Variants in CNTN4 observed in about 807,000 individuals in gnomAD.
The protein encoded by CNTN4 is contactin 4, also known as contactin-4.
In CNTN4, 77 loss-of-function variants were observed where a neutral mutation model predicts 122.5. That is an observed-to-expected ratio of 0.63 (90% confidence interval 0.52 to 0.76). The LOEUF (loss-of-function observed/expected upper bound fraction) is 0.76. CNTN4 is among the 30% of genes least tolerant of loss of function. The probability of loss-of-function intolerance (pLI) is 0.00; values close to 1 mark genes in which losing one functional copy is unlikely to be tolerated. For synonymous variants in CNTN4, 512 were observed against 447.0 expected (o/e 1.15, Z -1.83); for missense variants, 1,256 against 1,259.1 (o/e 1.00, Z 0.04).
intron 2 of CNTN4, among the ~76,000 whole-genome samples, chr3:2,253,886 ATTTG>A (rs2040471804): frequency 6.7e-6 from 1 of 149,936 alleles, no homozygotes. Flanking sequence ...TTTTTTTTTA[ATTTG>A]TTCTTTTTGG....
chr3:2,170,244 C>T (rs1321291125), intron 2 of CNTN4, among the ~76,000 whole-genome samples: 18 of 151,670 alleles, frequency 1.2e-4, no homozygotes, highest in Admixed American at 9.9e-4. Context: ...GGCGGGAACC[C>T]GGGAGGCGGA....
At chr3:2,111,371 G>C (rs2032943365) in intron 2 of CNTN4, among the ~76,000 whole-genome samples, 1 of 152,056 alleles carries the variant, frequency 6.6e-6, no homozygotes, top group African/African-American at 2.4e-5. Flanking sequence ...ACCTTTTCCT[G>C]TTCTTCTGAA....
chr3:2,334,458 C>T (rs1559462747), intron 2 of CNTN4, among the ~76,000 whole-genome samples: 1 of 152,088 alleles, frequency 6.6e-6, no homozygotes, highest in Non-Finnish European at 1.5e-5. Context: ...GGCACCTGGC[C>T]CATTTTATCT....
chr3:2,260,155 A>G (rs533329532), intron 2 of CNTN4, among the ~76,000 whole-genome samples: 37 of 152,248 alleles, frequency 2.4e-4, no homozygotes, highest in Non-Finnish European at 5.0e-4. Flanking sequence ...TTTCTACCAC[A>G]TAATGTAGCT....
rs570008351 is a variant in CNTN4 at position 2,165,575 on chromosome 3, T to C, written c.-145+64936T>C. ...CTCTTTGTAAATTTCAAGTATACAATACATTATTACTAACTATATTCACCA... is the reference window on the plus strand; with the variant it reads ...CTCTTTGTAAATTTCAAGTATACAACACATTATTACTAACTATATTCACCA... On this transcript the variant is annotated intron_variant, in intron 2 of 24. Transcript: ENST00000418658. Among the ~76,000 whole-genome samples the C allele has an allele frequency of 2.6e-5, 4 of 152,296 alleles. No individual in the cohort carries two copies. In the South Asian group the frequency reaches 8.3e-4, roughly 32 times the overall value.
chr3:2,389,969 G>A (rs2046385057), intron 3 of CNTN4, among the ~76,000 whole-genome samples: 1 of 152,080 alleles, frequency 6.6e-6, no homozygotes, highest in South Asian at 2.1e-4. Flanking sequence ...GAGATTAAAG[G>A]GACATGTCAA....
At chr3:3,025,549 C>T (rs1450281094) in intron 14 of CNTN4, among the ~76,000 whole-genome samples, 3 of 152,064 alleles carry the variant, frequency 2.0e-5, no homozygotes, top group Non-Finnish European at 4.4e-5. Flanking sequence ...ACCAAAAAGA[C>T]TGGGGGAAAT....
chr3:2,548,356 G>T (rs942622722), intron 3 of CNTN4, among the ~76,000 whole-genome samples: 23 of 152,060 alleles, frequency 1.5e-4, no homozygotes, highest in Admixed American at 6.6e-5. Flanking sequence ...TTTGTATAAG[G>T]TATAAGGAAA....
intron 4 of CNTN4, among the ~76,000 whole-genome samples, chr3:2,696,361 T>C (rs1034144025): frequency 1.3e-5 from 2 of 152,198 alleles, no homozygotes; most frequent in Non-Finnish European, 2.9e-5. Context: ...ATGAAGTCTT[T>C]TGGGAAGTGT....
intron 13 of CNTN4, among the ~76,000 whole-genome samples, chr3:2,930,566 GT>G (rs1167038109): frequency 6.6e-6 from 1 of 152,130 alleles, no homozygotes; most frequent in South Asian, 2.1e-4. Context: ...ATGCTTAAGG[GT>G]TTCCCCCCAC....
At chr3:2,589,442 C>A (rs763307537) in intron 4 of CNTN4, among the ~76,000 whole-genome samples, 5 of 152,188 alleles carry the variant, frequency 3.3e-5, no homozygotes, top group Non-Finnish European at 7.3e-5. Context: ...CCCAGTGTTT[C>A]AAACATGTGT....
At chr3:2,674,792 A>C (rs2150411126) in intron 4 of CNTN4, among the ~76,000 whole-genome samples, 1 of 152,154 alleles carries the variant, frequency 6.6e-6, no homozygotes, top group East Asian at 1.9e-4. Flanking sequence ...AAAAAAAAAA[A>C]AACCATTAAC....
intron 4 of CNTN4, among the ~76,000 whole-genome samples, chr3:2,726,726 A>G (rs935012281): frequency 1.3e-5 from 2 of 152,236 alleles, no homozygotes; most frequent in Non-Finnish European, 2.9e-5. Context: ...AGGGTAGTAC[A>G]CTACTCTGTG....
chr3:2,155,185 C>A (rs939976780), intron 2 of CNTN4, among the ~76,000 whole-genome samples: 1 of 152,196 alleles, frequency 6.6e-6, no homozygotes, highest in African/African-American at 2.4e-5. Flanking sequence ...TAATTTTAAA[C>A]CTAATTTTCC....
chr3:2,817,752 G>A (rs950132918), intron 6 of CNTN4, among the ~76,000 whole-genome samples: 7 of 152,156 alleles, frequency 4.6e-5, no homozygotes, highest in Non-Finnish European at 1.0e-4. Context: ...GTGCACAAAT[G>A]TAGATGACTT....
chr3:2,547,730 G>A (rs778099718), intron 3 of CNTN4, among the ~76,000 whole-genome samples: 1 of 152,064 alleles, frequency 6.6e-6, no homozygotes, highest in Non-Finnish European at 1.5e-5. Context: ...ACCAAAAATT[G>A]TGAACCTCCT....
chr3:3,028,255 G>A (rs1698893858), intron 15 of CNTN4, among the ~76,000 whole-genome samples: 3 of 152,170 alleles, frequency 2.0e-5, no homozygotes, highest in Admixed American at 2.0e-4. Flanking sequence ...ACAACAGACT[G>A]CGGTGGTGGA....
intron 13 of CNTN4, among the ~76,000 whole-genome samples, chr3:2,959,798 G>C (rs999386987): frequency 1.5e-4 from 23 of 152,134 alleles, no homozygotes; most frequent in Non-Finnish European, 2.9e-4. Flanking sequence ...TGTCTCCCTA[G>C]GTATGAGAGT....
rs10664705 is a variant in CNTN4 at position 2,347,410 on chromosome 3, C to CTTTTTT, written c.-89+8190_-89+8195dup. ...TCCAAAGGCTATAAGGAAATACAAT[C>CTTTTTT]TTTTTTTTTTTTTTTTTTGGAGACA... On this transcript the variant is annotated intron_variant, in intron 3 of 24. Coordinates refer to ENST00000418658, the MANE Select transcript of CNTN4 (RefSeq NM_175607.3). Among the ~76,000 whole-genome samples, 476 of 113,056 alleles carry CTTTTTT rather than the reference C, an allele frequency of 4.2e-3. 15 individuals carry two copies. The highest frequency in any genetic ancestry group is 7.1e-3 in the Middle Eastern group (1 of 140). The allele number at this position is 113,056 out of a possible 152,430, so 74.2% of individuals were successfully genotyped here. A position where few individuals can be genotyped will look rare whatever the true frequency, so the allele number is the denominator to read the frequency against.
Sources: gnomAD v4.1 joint callset for allele counts (sites outside exome capture counted in the v4.1 genomes callset) on GRCh38, gnomAD v4.1.1 for gene constraint, MANE v1.5 for transcripts, NCBI Gene and HGNC (gene_info 2026-07-23, HGNC 2026-07-21) for gene names.